The following KCNK2 variants were observed in gnomAD, a reference collection of about 807,000 sequenced individuals.
The protein encoded by KCNK2 is potassium two pore domain channel subfamily K member 2.
KCNK2 carries 21 observed loss-of-function variants against 40.5 expected under a neutral mutation model. That is an observed-to-expected ratio of 0.52 (90% CI 0.37 to 0.75). The LOEUF (loss-of-function observed/expected upper bound fraction) is 0.75, where lower values mean the gene tolerates loss of function less well. Among genes scored for constraint, KCNK2 ranks in the 30% least tolerant of loss-of-function variants. The pLI, the probability that KCNK2 is intolerant of heterozygous loss-of-function variation, is 0.00. For synonymous variants in KCNK2, 191 were observed against 202.2 expected, an observed-to-expected ratio of 0.94 and a Z score of 0.47; for missense variants, 399 against 531.6, an observed-to-expected ratio of 0.75 and a Z score of 2.45.
At chr1:215,167,015 C>A (rs1365621576) in intron 3 of KCNK2, among the ~76,000 whole-genome samples, 1 of 151,924 alleles carries the variant, frequency 6.6e-6, no homozygotes, top group Non-Finnish European at 1.5e-5. Flanking sequence ...GAAAACAAAT[C>A]CCTCAGTAGA....
chr1:215,083,391 T>C lies in KCNK2; in HGVS notation c.6T>C (p.Leu2=), dbSNP rs1163596288. 4 of 1,614,076 alleles carry C rather than the reference T, an allele frequency of 2.5e-6. No homozygotes were observed. The East Asian group carries it at 6.7e-5, about 27-fold the overall frequency. Residue 2 remains leucine, a synonymous_variant, in exon 1 of 7, where the codon CTT becomes CTC. Coordinates refer to ENST00000444842, the MANE Select transcript of KCNK2 (RefSeq NM_001017425.3). M[L]PSASRERPGY... is the part of the protein sequence containing the mutation. ...TTTTGAATGCTGCATGCCTCATGCT[T>C]CCCAGCGCCTCGCGGGAGAGACCCG...
At chr1:215,222,824 A>G (rs1336563459) in intron 6 of KCNK2, among the ~76,000 whole-genome samples, 2 of 152,116 alleles carry the variant, frequency 1.3e-5, no homozygotes, top group African/African-American at 4.8e-5. Flanking sequence ...TGAAATGTCA[A>G]TACTTTAGAA....
At chr1:215,061,982 C>A (rs11120480) in intron 1 of KCNK2, among the ~76,000 whole-genome samples, 77,666 of 151,800 alleles carry the variant, frequency 0.51, 20,630 homozygotes, top group South Asian at 0.81. Flanking sequence ...TTAAACACAG[C>A]CTCTAAATTC....
chr1:215,139,486 A>T (rs7540029), intron 3 of KCNK2, among the ~76,000 whole-genome samples: 116,695 of 152,066 alleles, frequency 0.77, 45,086 homozygotes, highest in Non-Finnish European at 0.79. Context: ...GGTATTTTTT[A>T]AAAAAATATA....
chr1:215,210,829 G>C (rs1665712182), intron 6 of KCNK2, among the ~76,000 whole-genome samples: 1 of 147,074 alleles, frequency 6.8e-6, no homozygotes, highest in Non-Finnish European at 1.5e-5. Context: ...GGAGAAAATT[G>C]CATAAAGAAG....
At position 215,235,294 on chromosome 1, in the gene KCNK2, G is replaced by C. The variant is rs1472873610; in HGVS notation, c.*149G>C. 1.6e-6 allele frequency: 1 copy of C among 616,660 alleles called. No individual in the cohort carries two copies. The highest frequency in any genetic ancestry group is 1.8e-5 in the African/African-American group (1 of 54,540). 38.2% of individuals were successfully genotyped at this position (616,660 alleles called of 1,614,324 possible). A position where few individuals can be genotyped will look rare whatever the true frequency, so the allele number is the denominator to read the frequency against. On this transcript the variant is annotated 3_prime_UTR_variant, in exon 7 of 7. Transcript: ENST00000444842. ...CCATCATGGTCATCTATCATCAAGAGAATTTGGAATTCTGAGCCAGCACTT... is the reference window on the plus strand; with the variant it reads ...CCATCATGGTCATCTATCATCAAGACAATTTGGAATTCTGAGCCAGCACTT...
chr1:215,007,500 G>A lies in KCNK2; in HGVS notation c.34+1545G>A, dbSNP rs573222176. On this transcript the variant is annotated intron_variant, in intron 1 of 6. Transcript: ENST00000391895. ...AGAAGAGAAACAAGAGGTATGGAGA[G>A]AGCTGGAGAGGTTAGGTCAAGCTAC... Among the ~76,000 whole-genome samples, 3 of 152,072 alleles carry A rather than the reference G, an allele frequency of 2.0e-5. No homozygotes were observed. The East Asian group carries it at 5.8e-4, about 29-fold the overall frequency.
At chr1:215,101,764 C>A (rs117251159) in intron 2 of KCNK2, among the ~76,000 whole-genome samples, 2 of 151,834 alleles carry the variant, frequency 1.3e-5, no homozygotes, top group Non-Finnish European at 2.9e-5. Flanking sequence ...TTGCCTATGA[C>A]GTAGCCATCA....
At chr1:215,028,737 A>G (rs1294990952) in intron 1 of KCNK2, among the ~76,000 whole-genome samples, 1 of 152,186 alleles carries the variant, frequency 6.6e-6, no homozygotes, top group Non-Finnish European at 1.5e-5. Context: ...TGTGACTTAT[A>G]TCTCATTAAG....
intron 1 of KCNK2, among the ~76,000 whole-genome samples, chr1:215,066,982 GA>G: frequency 6.6e-6 from 1 of 152,048 alleles, no homozygotes; most frequent in East Asian, 1.9e-4. Flanking sequence ...ACATACATCA[GA>G]AAAATACATT....
chr1:215,027,434 A>T (rs990552307), intron 1 of KCNK2, among the ~76,000 whole-genome samples: 2 of 152,090 alleles, frequency 1.3e-5, no homozygotes, highest in South Asian at 2.1e-4. Flanking sequence ...AAAGATTTTT[A>T]TTGGGATTAG....
chr1:215,047,737 A>C (rs75277616), intron 1 of KCNK2, among the ~76,000 whole-genome samples: 4,454 of 152,188 alleles, frequency 0.029, 89 homozygotes, highest in Middle Eastern at 0.065. Context: ...TAATGCATAC[A>C]CCTCAGCTCT....
chr1:215,159,812 T>C lies in KCNK2; in HGVS notation c.476-9387T>C, dbSNP rs1663115325. Among the ~76,000 whole-genome samples, 4 of 152,302 alleles carry C rather than the reference T, an allele frequency of 2.6e-5. No homozygotes were observed. In the South Asian group the frequency reaches 8.3e-4, roughly 32 times the overall value. On this transcript the variant is annotated intron_variant, in intron 3 of 6. Coordinates refer to ENST00000444842, the MANE Select transcript of KCNK2 (RefSeq NM_001017425.3). ...AGTAGTGAAACCTTACAGACCTACC[T>C]TAGCCAAGTTCTCAAAGTCAATATC...
intron 3 of KCNK2, among the ~76,000 whole-genome samples, chr1:215,145,518 A>G (rs1454633401): frequency 6.6e-6 from 1 of 152,208 alleles, no homozygotes; most frequent in African/African-American, 2.4e-5. Context: ...TTGGCACTTT[A>G]GATTACTTAT....
intron 1 of KCNK2, among the ~76,000 whole-genome samples, chr1:215,049,624 A>G (rs1453265162): frequency 2.0e-5 from 3 of 152,146 alleles, no homozygotes; most frequent in African/African-American, 7.2e-5. Context: ...TTACACCTCT[A>G]CATGTTACAG....
intron 5 of KCNK2, among the ~76,000 whole-genome samples, chr1:215,194,510 C>T (rs911741905): frequency 1.3e-5 from 2 of 152,064 alleles, no homozygotes; most frequent in Non-Finnish European, 2.9e-5. Flanking sequence ...TTCAGTTTGG[C>T]ATTAAGTTGA....
chr1:215,227,011 G>A (rs1666411383), intron 6 of KCNK2, among the ~76,000 whole-genome samples: 1 of 152,128 alleles, frequency 6.6e-6, no homozygotes, highest in Non-Finnish European at 1.5e-5. Flanking sequence ...GAGTCAACCA[G>A]GAAGCAGATT....
At chr1:215,234,757 T>A (rs1666809407) in intron 6 of KCNK2, 71 bp from the exon 7 acceptor site, 1 of 1,368,906 alleles carries the variant, frequency 7.3e-7, no homozygotes, top group Non-Finnish European at 1.0e-6. Flanking sequence ...TAAAATGAAC[T>A]GAAGATAAAG....
chr1:215,078,877 G>A (rs960137903), upstream of KCNK2, among the ~76,000 whole-genome samples: 6 of 152,120 alleles, frequency 3.9e-5, no homozygotes, highest in Non-Finnish European at 8.8e-5. Context: ...ACCCACAGAC[G>A]TCTCTTTGAC....
Sources: gnomAD v4.1 joint callset for allele counts (sites outside exome capture counted in the v4.1 genomes callset) on GRCh38, gnomAD v4.1.1 for gene constraint, MANE v1.5 for transcripts, NCBI Gene and HGNC (gene_info 2026-07-23, HGNC 2026-07-21) for gene names.